ROBO2: variants seen among roughly 807,000 people sequenced by gnomAD.
ROBO2 encodes roundabout homolog 2.
In ROBO2, 53 loss-of-function variants were observed where a neutral mutation model predicts 160.8. The ratio of observed to expected loss-of-function variants is 0.33; its 90% confidence interval spans 0.26 to 0.41. The LOEUF (loss-of-function observed/expected upper bound fraction) is 0.41. Among genes scored for constraint, ROBO2 ranks in the 10% least tolerant of loss-of-function variants. ROBO2 has a pLI of 1.00. For missense variants in ROBO2, 1,577 were observed against 1,722.4 expected (o/e 0.92, Z 1.49); for synonymous variants, 664 against 611.7 (o/e 1.09, Z -1.26).
At chr3:77,058,033 A>C (rs1302098841) in intron 1 of ROBO2, among the ~76,000 whole-genome samples, 1 of 152,140 alleles carries the variant, frequency 6.6e-6, no homozygotes, top group Non-Finnish European at 1.5e-5. Flanking sequence ...ATTGAACGTT[A>C]ATGTTATTTG....
At chr3:77,602,694 G>GCCGCCACCACCACCTCCT (rs1559706096) in intron 20 of ROBO2, among the ~76,000 whole-genome samples, 3 of 53,866 alleles carry the variant, frequency 5.6e-5, no homozygotes, top group African/African-American at 2.2e-4. Flanking sequence ...CACCACCGCC[G>GCCGCCACCACCACCTCCT]CCGCCACCAC....
intron 2 of ROBO2, among the ~76,000 whole-genome samples, chr3:76,802,727 CAA>C (rs71104621): frequency 1.8e-4 from 19 of 103,808 alleles, no homozygotes; most frequent in Non-Finnish European, 1.3e-4. Flanking sequence ...GACTCCGTCT[CAA>C]AAAAAAAAAA....
chr3:77,277,756 T>A (rs1339022268), intron 2 of ROBO2, among the ~76,000 whole-genome samples: 5 of 152,186 alleles, frequency 3.3e-5, no homozygotes, highest in Non-Finnish European at 7.3e-5. Flanking sequence ...AGTGCTGCAA[T>A]GAGCATACAT....
intron 2 of ROBO2, among the ~76,000 whole-genome samples, chr3:76,243,087 G>A (rs943626128): frequency 4.6e-5 from 7 of 152,174 alleles, no homozygotes; most frequent in Non-Finnish European, 8.8e-5. Flanking sequence ...GGCAATTCCA[G>A]GGGGTTTCTC....
chr3:76,612,289 T>A (rs1013250574), intron 2 of ROBO2, among the ~76,000 whole-genome samples: 4 of 152,228 alleles, frequency 2.6e-5, no homozygotes, highest in Non-Finnish European at 4.4e-5. Context: ...ATAGCGCAGA[T>A]TAAATCTGAT....
chr3:77,456,686 T>C (rs550656039), intron 2 of ROBO2, among the ~76,000 whole-genome samples: 2 of 152,340 alleles, frequency 1.3e-5, no homozygotes, highest in African/African-American at 4.8e-5. Context: ...CATTTTAAAC[T>C]TAACTGAAAT....
chr3:77,040,889 C>A, intron 1 of ROBO2, 43 bp downstream of exon 1: 1 of 1,609,940 alleles, frequency 6.2e-7, no homozygotes, highest in Non-Finnish European at 8.5e-7. Flanking sequence ...CCCCCCACCC[C>A]CCAATCCCCC....
exon 26 of ROBO2, chr3:77,646,212 A>T: frequency 2.1e-6 from 1 of 469,886 alleles, no homozygotes; most frequent in East Asian, 3.4e-5. Flanking sequence ...TATCCCACAG[A>T]TATTTTCATT....
chr3:76,664,284 G>C (rs2091938598), intron 2 of ROBO2, among the ~76,000 whole-genome samples: 1 of 152,154 alleles, frequency 6.6e-6, no homozygotes, highest in African/African-American at 2.4e-5. Flanking sequence ...GTAAAGGTGG[G>C]AGACTTGTTA....
At chr3:77,253,214 G>A (rs985455270) in intron 2 of ROBO2, among the ~76,000 whole-genome samples, 1 of 152,064 alleles carries the variant, frequency 6.6e-6, no homozygotes, top group Non-Finnish European at 1.5e-5. Context: ...TGATTTTACT[G>A]AGAATATTTA....
At chr3:75,998,235 T>C (rs576229516) in intron 2 of ROBO2, among the ~76,000 whole-genome samples, 1 of 152,346 alleles carries the variant, frequency 6.6e-6, no homozygotes, top group Non-Finnish European at 1.5e-5. Flanking sequence ...ATGCTATTTA[T>C]GTTTTAGACC....
At chr3:76,674,801 C>G (rs1334539655) in intron 2 of ROBO2, among the ~76,000 whole-genome samples, 1 of 152,170 alleles carries the variant, frequency 6.6e-6, no homozygotes, top group East Asian at 1.9e-4. Flanking sequence ...CACACACTCA[C>G]TAGCAACGCC....
intron 23 of ROBO2, chr3:77,632,176 T>C (rs1361970299): frequency 4.9e-6 from 1 of 206,098 alleles, no homozygotes; most frequent in East Asian, 1.0e-4. Context: ...TAACTTAAAA[T>C]ACACATCGCA....
chr3:76,393,373 TAATA>T (rs780423677), intron 2 of ROBO2, among the ~76,000 whole-genome samples: 8 of 152,182 alleles, frequency 5.3e-5, no homozygotes, highest in East Asian at 1.9e-4. Flanking sequence ...ATTCATATCT[TAATA>T]AATAAAATTT....
chr3:76,688,791 G>T (rs911498116), intron 2 of ROBO2, among the ~76,000 whole-genome samples: 1 of 152,008 alleles, frequency 6.6e-6, no homozygotes, highest in Non-Finnish European at 1.5e-5. Context: ...TACCCAATTT[G>T]TAATTGTAAC....
intron 13 of ROBO2, among the ~76,000 whole-genome samples, chr3:77,574,011 A>G (rs978451789): frequency 1.3e-4 from 20 of 151,956 alleles, no homozygotes; most frequent in Admixed American, 1.2e-3. Context: ...TCTGGCACCT[A>G]TGAGTAGGAA....
At chr3:76,066,904 G>A (rs971325693) in intron 2 of ROBO2, among the ~76,000 whole-genome samples, 4 of 152,044 alleles carry the variant, frequency 2.6e-5, no homozygotes, top group Non-Finnish European at 4.4e-5. Context: ...TTTGGAATCT[G>A]GCTGTTATCT....
At chr3:76,389,616 A>C (rs2077054103) in intron 2 of ROBO2, among the ~76,000 whole-genome samples, 1 of 152,196 alleles carries the variant, frequency 6.6e-6, no homozygotes, top group Non-Finnish European at 1.5e-5. Context: ...TGATAAAAAA[A>C]AGTATCCATA....
chr3:77,163,027 G>T (rs912840928), intron 2 of ROBO2, among the ~76,000 whole-genome samples: 1 of 151,856 alleles, frequency 6.6e-6, no homozygotes, highest in Admixed American at 6.6e-5. Context: ...GTAAAGACAG[G>T]GTTTCACCAC....
Sources: gnomAD v4.1 joint callset for allele counts (sites outside exome capture counted in the v4.1 genomes callset) on GRCh38, gnomAD v4.1.1 for gene constraint, MANE v1.5 for transcripts, NCBI Gene and HGNC (gene_info 2026-07-23, HGNC 2026-07-21) for gene names.